DPP10: variants seen among roughly 807,000 people sequenced by gnomAD.
DPP10 encodes the protein dipeptidyl peptidase like 10.
A neutral mutation model predicts 120.9 loss-of-function variants in DPP10; 33 were observed. The observed-to-expected ratio is 0.27, with a 90% CI of 0.21 to 0.37. The LOEUF is 0.37. Among genes scored for constraint, DPP10 ranks in the 10% least tolerant of loss-of-function variants. The pLI is 1.00. For missense variants in DPP10, 816 were observed against 942.8 expected (o/e 0.87, Z 1.76); for synonymous variants, 337 against 326.1 (o/e 1.03, Z -0.36).
At chr2:114,755,544 A>G (rs1304108498) in intron 1 of DPP10, among the ~76,000 whole-genome samples, 1 of 152,240 alleles carries the variant, frequency 6.6e-6, no homozygotes, top group Non-Finnish European at 1.5e-5. Context: ...AGATGATAAT[A>G]AATGATGAGT....
chr2:114,965,343 G>A (rs1291834176), intron 1 of DPP10, among the ~76,000 whole-genome samples: 1 of 151,976 alleles, frequency 6.6e-6, no homozygotes, highest in Non-Finnish European at 1.5e-5. Flanking sequence ...CACCATGTTG[G>A]CCAGGATGGT....
intron 21 of DPP10, among the ~76,000 whole-genome samples, chr2:115,822,139 A>C (rs532894037): frequency 6.6e-6 from 1 of 151,914 alleles, no homozygotes; most frequent in Non-Finnish European, 1.5e-5. Context: ...ACACCTTTTC[A>C]TGTGTTTATT....
chr2:114,925,627 C>A (rs1290938877), intron 1 of DPP10, among the ~76,000 whole-genome samples: 1 of 152,118 alleles, frequency 6.6e-6, no homozygotes, highest in Admixed American at 6.5e-5. Flanking sequence ...ACATTTTAAA[C>A]CAGCTATGAA....
intron 2 of DPP10, among the ~76,000 whole-genome samples, chr2:115,339,404 T>A (rs1213910860): frequency 6.6e-6 from 1 of 152,230 alleles, no homozygotes; most frequent in African/African-American, 2.4e-5. Flanking sequence ...ATGGAATTTT[T>A]AAATAAAACT....
At chr2:115,452,895 T>G (rs914068936) in intron 3 of DPP10, among the ~76,000 whole-genome samples, 6 of 151,906 alleles carry the variant, frequency 3.9e-5, no homozygotes, top group African/African-American at 1.4e-4. Flanking sequence ...ATAGTAGGAT[T>G]TATGGAAATA....
intron 1 of DPP10, among the ~76,000 whole-genome samples, chr2:114,585,720 G>A (rs1404840155): frequency 1.3e-5 from 2 of 152,114 alleles, no homozygotes; most frequent in African/African-American, 4.8e-5. Context: ...GCTACACAGT[G>A]TCCCATTAGA....
At chr2:114,823,378 C>A (rs1237829753) in intron 1 of DPP10, among the ~76,000 whole-genome samples, 2 of 152,156 alleles carry the variant, frequency 1.3e-5, no homozygotes, top group African/African-American at 4.8e-5. Context: ...GTCCCTCAAG[C>A]AAAACATGGG....
chr2:115,084,239 G>A (rs1018362711), intron 1 of DPP10, among the ~76,000 whole-genome samples: 3 of 152,106 alleles, frequency 2.0e-5, no homozygotes, highest in Non-Finnish European at 2.9e-5. Context: ...AGCACAGTAC[G>A]TGACAATTAA....
At chr2:114,704,077 G>C (rs1700544699) in intron 1 of DPP10, among the ~76,000 whole-genome samples, 1 of 152,084 alleles carries the variant, frequency 6.6e-6, no homozygotes, top group Non-Finnish European at 1.5e-5. Flanking sequence ...ACAGGGCAAG[G>C]CTGGATGATG....
chr2:114,980,371 T>A (rs964032571), intron 1 of DPP10, among the ~76,000 whole-genome samples: 1 of 152,082 alleles, frequency 6.6e-6, no homozygotes, highest in Admixed American at 6.6e-5. Flanking sequence ...CTTTTAATAA[T>A]AATATAGTCA....
chr2:114,895,332 G>A (rs1414578111), intron 1 of DPP10, among the ~76,000 whole-genome samples: 3 of 152,226 alleles, frequency 2.0e-5, no homozygotes, highest in Non-Finnish European at 4.4e-5. Flanking sequence ...GTGATCATTA[G>A]AGACTCACCA....
At chr2:114,826,595 AC>A (rs1260325382) in intron 1 of DPP10, among the ~76,000 whole-genome samples, 1 of 152,146 alleles carries the variant, frequency 6.6e-6, no homozygotes, top group Non-Finnish European at 1.5e-5. Flanking sequence ...CAATGTCATG[AC>A]CTCAGCTCCC....
chr2:115,671,128 C>G (rs1442683642), intron 5 of DPP10, among the ~76,000 whole-genome samples: 1 of 151,912 alleles, frequency 6.6e-6, no homozygotes, highest in Non-Finnish European at 1.5e-5. Flanking sequence ...TTTCATTGTT[C>G]ATAAAATTAT....
chr2:115,335,488 A>G (rs894518704), intron 2 of DPP10, among the ~76,000 whole-genome samples: 5 of 152,166 alleles, frequency 3.3e-5, no homozygotes, highest in Middle Eastern at 3.4e-3. Flanking sequence ...ACCATATTTC[A>G]TCTGCTGCCT....
intron 3 of DPP10, among the ~76,000 whole-genome samples, chr2:115,388,026 A>G (rs568728488): frequency 6.6e-6 from 1 of 152,318 alleles, no homozygotes; most frequent in African/African-American, 2.4e-5. Flanking sequence ...CACATGTGCA[A>G]ATATTATGCT....
chr2:115,098,666 G>A (rs1189548508), intron 1 of DPP10, among the ~76,000 whole-genome samples: 1 of 152,104 alleles, frequency 6.6e-6, no homozygotes, highest in Admixed American at 6.6e-5. Flanking sequence ...TCATTATGCG[G>A]TGCATGAGTG....
chr2:115,614,338 C>T (rs1362267381), intron 5 of DPP10, among the ~76,000 whole-genome samples: 1 of 152,174 alleles, frequency 6.6e-6, no homozygotes, highest in East Asian at 1.9e-4. Context: ...GTTATTTTGA[C>T]TGCACAAATA....
intron 1 of DPP10, among the ~76,000 whole-genome samples, chr2:115,003,543 A>C (rs1427926261): frequency 1.3e-5 from 2 of 152,174 alleles, no homozygotes; most frequent in Non-Finnish European, 2.9e-5. Context: ...CCAAAAAAAA[A>C]CAAACAGAAA....
intron 1 of DPP10, among the ~76,000 whole-genome samples, chr2:115,121,220 A>C (rs182442415): frequency 6.6e-6 from 1 of 152,208 alleles, no homozygotes; most frequent in Admixed American, 6.5e-5. Flanking sequence ...GCTTTTAGAC[A>C]TTACCTGGTA....
Sources: allele counts gnomAD v4.1 joint callset (sites outside exome capture counted in the v4.1 genomes callset), GRCh38; gene constraint gnomAD v4.1.1; transcripts MANE v1.5; gene names NCBI Gene and HGNC (gene_info 2026-07-23, HGNC 2026-07-21).